Variants in PTPRC observed in about 807,000 individuals in gnomAD.
PTPRC encodes receptor-type tyrosine-protein phosphatase C.
A neutral mutation model predicts 155.9 loss-of-function variants in PTPRC; 44 were observed. That is an observed-to-expected ratio of 0.28 (90% CI 0.22 to 0.36). The LOEUF (loss-of-function observed/expected upper bound fraction) is 0.36, where lower values mean the gene tolerates loss of function less well. Ranked by LOEUF, PTPRC falls within the 10% of genes least tolerant of loss-of-function variation. The probability of loss-of-function intolerance (pLI) is 1.00; values close to 1 mark genes in which losing one functional copy is unlikely to be tolerated. For synonymous variants in PTPRC, 525 were observed against 533.1 expected (o/e 0.98, Z 0.21); for missense variants, 1,401 against 1,564.6 (o/e 0.90, Z 1.76).
At chr1:198,711,594 A>G (rs1653313577) in intron 11 of PTPRC, among the ~76,000 whole-genome samples, 1 of 152,252 alleles carries the variant, frequency 6.6e-6, no homozygotes, top group Admixed American at 6.5e-5. Flanking sequence ...GCACAAAAGC[A>G]AGAAACATAA....
intron 12 of PTPRC, among the ~76,000 whole-genome samples, chr1:198,715,368 G>A (rs114515786): frequency 0.013 from 1,996 of 151,956 alleles, 51 homozygotes; most frequent in African/African-American, 0.045. Flanking sequence ...CGTGTGATCC[G>A]ATCCGCCCGC....
At chr1:198,695,756 C>T (rs1243938613) in intron 3 of PTPRC, among the ~76,000 whole-genome samples, 1 of 152,146 alleles carries the variant, frequency 6.6e-6, no homozygotes, top group Non-Finnish European at 1.5e-5. Flanking sequence ...ATCATGACGT[C>T]AAAGACATTT....
At chr1:198,667,087 G>A (rs1346444934) in intron 2 of PTPRC, 5 of 152,142 alleles carry the variant, frequency 3.3e-5, no homozygotes, top group African/African-American at 7.2e-5. Flanking sequence ...GATGCTATGC[G>A]TCCACACCTT....
intron 20 of PTPRC, among the ~76,000 whole-genome samples, chr1:198,733,439 T>C (rs1368358460): frequency 6.6e-6 from 1 of 151,842 alleles, no homozygotes; most frequent in Non-Finnish European, 1.5e-5. Context: ...CAATAATGTG[T>C]CATGAGATAG....
intron 2 of PTPRC, among the ~76,000 whole-genome samples, chr1:198,688,411 A>T (rs981809583): frequency 1.3e-5 from 2 of 152,168 alleles, no homozygotes; most frequent in African/African-American, 4.8e-5. Context: ...GATCAGAAAA[A>T]AATGTATATG....
At position 198,752,711 on chromosome 1, in the gene PTPRC, CAGA is replaced by C; in HGVS notation, c.3453_3455del (p.Lys1151del). On this transcript the variant is annotated inframe_deletion, in exon 31 of 33. Coordinates refer to ENST00000442510, the MANE Select transcript of PTPRC (RefSeq NM_002838.5). ...TCAGGTCGTCAAACAAAAACTTCCC[CAGA>C]AGAATTCCTCTGAAGGGAACAAGCA... 1 of 1,612,914 alleles carries C rather than the reference CAGA, an allele frequency of 6.2e-7. No homozygotes were observed. The highest frequency in any genetic ancestry group is 8.5e-7 in the Non-Finnish European group (1 of 1,179,392).
chr1:198,728,164 C>T (rs1654226772), intron 15 of PTPRC, among the ~76,000 whole-genome samples, 176 bp from the exon 16 acceptor site: 1 of 152,030 alleles, frequency 6.6e-6, no homozygotes, highest in Admixed American at 6.6e-5. Flanking sequence ...ACAATATAGC[C>T]AAAATCACAG....
chr1:198,666,702 T>C (rs1664330851), intron 2 of PTPRC, among the ~76,000 whole-genome samples: 1 of 152,180 alleles, frequency 6.6e-6, no homozygotes, highest in Non-Finnish European at 1.5e-5. Flanking sequence ...AATCTTAACA[T>C]AACACTCCTT....
At chr1:198,679,564 G>A (rs571533109) in intron 2 of PTPRC, 3 of 177,844 alleles carry the variant, frequency 1.7e-5, no homozygotes, top group South Asian at 2.2e-4. Context: ...CACCTTGCCC[G>A]GCCAAGCTCG....
chr1:198,670,638 A>T (rs1156384036), intron 2 of PTPRC, among the ~76,000 whole-genome samples: 1 of 151,814 alleles, frequency 6.6e-6, no homozygotes, highest in Non-Finnish European at 1.5e-5. Flanking sequence ...GTTAGCAGAT[A>T]AAAAAAATAC....
chr1:198,709,424 C>A (rs773113701), intron 10 of PTPRC, among the ~76,000 whole-genome samples: 3 of 151,406 alleles, frequency 2.0e-5, no homozygotes, highest in Non-Finnish European at 4.4e-5. Flanking sequence ...CATCTAAATG[C>A]AAATATTCCA....
chr1:198,672,089 T>A (rs1218164785), intron 2 of PTPRC, among the ~76,000 whole-genome samples: 1 of 152,234 alleles, frequency 6.6e-6, no homozygotes, highest in African/African-American at 2.4e-5. Flanking sequence ...AAGTTACATC[T>A]GGGTTGGTCA....
chr1:198,741,744 T>C (rs1348915670), intron 23 of PTPRC, 125 bp from the exon 24 acceptor site: 1 of 940,826 alleles, frequency 1.1e-6, no homozygotes, highest in Non-Finnish European at 1.6e-6. Flanking sequence ...GAGGAAACTA[T>C]GAACTCTTTT....
rs144198588 is a variant in PTPRC, at chr1:198,652,057, C to T, written c.73+12716C>T. Among the ~76,000 whole-genome samples the T allele has an allele frequency of 3.3e-3, 504 of 151,688 alleles. 6 individuals carry two copies. Among genetic ancestry groups the T allele is most frequent in the African/African-American group, 0.011 (449 of 41,410 alleles). ...AGTAAGTAACTTAAATATGATCTAT[C>T]GGTATTTATTTTGTATTATGATATT... On this transcript the variant is annotated intron_variant, in intron 2 of 32. Transcript: ENST00000442510.
At chr1:198,727,219 T>C (rs1003579199) in intron 15 of PTPRC, among the ~76,000 whole-genome samples, 25 of 152,264 alleles carry the variant, frequency 1.6e-4, no homozygotes, top group African/African-American at 4.6e-4. Context: ...TCCTGAAAAC[T>C]AATATTATCT....
intron 2 of PTPRC, among the ~76,000 whole-genome samples, chr1:198,689,788 CTCTTCCTCA>C (rs1396593744): frequency 6.6e-6 from 1 of 152,172 alleles, no homozygotes; most frequent in Non-Finnish European, 1.5e-5. Flanking sequence ...TCTTCTCCTC[CTCTTCCTCA>C]TCTTATTATG....
chr1:198,716,780 A>T lies in PTPRC; in HGVS notation c.1390A>T (p.Ile464Phe), dbSNP rs1014891412. Residue 464 changes from isoleucine (I) to phenylalanine (F), a missense_variant, in exon 13 of 33, where the codon ATT (isoleucine) becomes TTT (phenylalanine). Physicochemically the swap from Ile to Phe is conservative, Grantham distance 21 (BLOSUM62 0). This residue lies in a region of PTPRC where 867 missense variants were observed against 970.4 expected (regional missense o/e 0.89). Coordinates refer to ENST00000442510, the MANE Select transcript of PTPRC (RefSeq NM_002838.5). ...TGTTTTATCATTACATGCCTACATC[A>T]TTGCAAAAGTGCAACGTAATGGAAG... is the stretch of plus-strand genomic sequence containing the variant. ...KYVLSLHAYIIAKVQRNGSAA... is the reference protein window; with the variant it reads ...KYVLSLHAYIFAKVQRNGSAA... The T allele has an allele frequency of 6.2e-7, 1 of 1,613,578 alleles. No homozygotes were observed.
At chr1:198,699,138 C>T (rs1332736498) in intron 4 of PTPRC, among the ~76,000 whole-genome samples, 1 of 152,198 alleles carries the variant, frequency 6.6e-6, no homozygotes. Flanking sequence ...AGGTAGATGT[C>T]TGTCACATCT....
rs150416673 is a variant in PTPRC, at chr1:198,728,405, G to T, written c.1786G>T (p.Val596Phe). 59 of 1,612,820 alleles carry T rather than the reference G, an allele frequency of 3.7e-5. No individual in the cohort carries two copies. The highest frequency in any genetic ancestry group is 4.8e-5 in the Non-Finnish European group (57 of 1,179,482). Reference sequence around the variant, plus strand: ...TATTGTGACATCAATAGCCCTGCTTGTTGTTCTCTACAAAATCTATGATCT... The same window carrying T: ...TATTGTGACATCAATAGCCCTGCTTTTTGTTCTCTACAAAATCTATGATCT... ...LIIVTSIALL[V>F]VLYKIYDLHK... Residue 596 changes from valine (V) to phenylalanine (F), a missense_variant, in exon 16 of 33, where the codon GTT becomes TTT. Coordinates refer to ENST00000442510, the MANE Select transcript of PTPRC (RefSeq NM_002838.5).
Sources: gnomAD v4.1 joint callset for allele counts (sites outside exome capture counted in the v4.1 genomes callset) on GRCh38, gnomAD v4.1.1 for gene constraint, gnomAD v4.1.1 regional missense constraint, MANE v1.5 for transcripts, NCBI Gene and HGNC (gene_info 2026-07-23, HGNC 2026-07-21) for gene names.